The following NBPF15 variants were observed in gnomAD, a reference collection of about 807,000 sequenced individuals.
NBPF15 encodes NBPF member 15.
NBPF15 carries 74 observed loss-of-function variants against 62.2 expected under a neutral mutation model. The observed-to-expected ratio is 1.19, with a 90% CI of 0.99 to 1.44. NBPF15 has a LOEUF of 1.44. NBPF15 is among the 40% of genes most tolerant of loss of function. The pLI is 0.00. For synonymous variants in NBPF15, 244 were observed against 209.7 expected (o/e 1.16, Z -1.41); for missense variants, 790 against 550.0 (o/e 1.44, Z -4.36).
intron 5 of NBPF15, among the ~76,000 whole-genome samples, chr1:144,450,365 G>T (rs1231750485): frequency 6.6e-6 from 1 of 151,414 alleles, no homozygotes; most frequent in African/African-American, 2.4e-5. Context: ...GAAACAGACA[G>T]GTAAGGAGGA....
intron 16 of NBPF15, among the ~76,000 whole-genome samples, 186 bp downstream of exon 16, chr1:144,427,632 G>C (rs1246223287): frequency 6.9e-6 from 1 of 145,724 alleles, no homozygotes; most frequent in East Asian, 1.9e-4. Context: ...AGAGAGCCTT[G>C]CTCACTGATC....
At position 144,423,198 on chromosome 1, in the gene NBPF15, T is replaced by C. The variant is rs1043751; in HGVS notation, c.1828A>G (p.Arg610Gly). ...TACATTGACGGAGTCGAATAACATC[T>C]ATCCAGTGAGTCCTGTAAGACTTCA... The part of the protein sequence containing the change: ...EPEVLQDSLD[R>G]CYSTPSMYFE... Residue 610 changes from arginine to glycine, a missense_variant, in exon 22 of 22, where the codon AGA becomes GGA. By Grantham distance (125) the Arg-to-Gly change is moderately radical. Transcript: ENST00000581897. The C allele has an allele frequency of 1.0e-4, 169 of 1,611,626 alleles. No individual in the cohort carries two copies. In the African/African-American group the frequency reaches 1.8e-3, roughly 18 times the overall value.
At chr1:144,434,937 C>G (rs1205895792) in intron 12 of NBPF15, among the ~76,000 whole-genome samples, 174 bp downstream of exon 12, 3 of 151,958 alleles carry the variant, frequency 2.0e-5, no homozygotes, top group Non-Finnish European at 2.9e-5. Flanking sequence ...ATACTGGGGA[C>G]TGGCAGACAA....
chr1:144,453,222 C>T, intron 4 of NBPF15, among the ~76,000 whole-genome samples: 2 of 150,504 alleles, frequency 1.3e-5, no homozygotes, highest in South Asian at 2.1e-4. Flanking sequence ...GGTTTAGAGA[C>T]AATTTAAAAC....
chr1:144,446,001 A>C (rs1233562102), intron 6 of NBPF15, among the ~76,000 whole-genome samples: 1 of 146,940 alleles, frequency 6.8e-6, no homozygotes, highest in Non-Finnish European at 1.5e-5. Context: ...GACTACAGGC[A>C]CATGCCACCA....
At chr1:144,427,771 C>A (rs1201866381) in intron 16 of NBPF15, 47 bp downstream of exon 16, 1 of 614,076 alleles carries the variant, frequency 1.6e-6, no homozygotes, top group Admixed American at 2.9e-5. Context: ...ATGACCCTAA[C>A]CAGAAGACTC....
chr1:144,457,750 A>G (rs1481597825), intron 3 of NBPF15, among the ~76,000 whole-genome samples: 1 of 152,090 alleles, frequency 6.6e-6, no homozygotes, highest in Non-Finnish European at 1.5e-5. Context: ...TAATAGCTGT[A>G]AGAGATTTTA....
At chr1:144,427,128 A>G in intron 16 of NBPF15, 30 bp from the exon 17 acceptor site, 3 of 562,908 alleles carry the variant, frequency 5.3e-6, no homozygotes, top group Non-Finnish European at 9.3e-6. Flanking sequence ...GGACAGACAT[A>G]TTAAGCTGGT....
intron 1 of NBPF15, among the ~76,000 whole-genome samples, 189 bp downstream of exon 1, chr1:144,461,192 C>T (rs1428453525): frequency 6.6e-6 from 1 of 152,056 alleles, no homozygotes; most frequent in African/African-American, 2.4e-5. Context: ...GAGTTTCTTC[C>T]CCAGCGCCCA....
intron 6 of NBPF15, among the ~76,000 whole-genome samples, chr1:144,447,633 C>A (rs1474290774): frequency 6.6e-6 from 1 of 151,756 alleles, no homozygotes; most frequent in Admixed American, 6.6e-5. Flanking sequence ...TATGGGGAAA[C>A]AAAAGGAGAA....
intron 4 of NBPF15, among the ~76,000 whole-genome samples, chr1:144,453,504 TG>T (rs1692469012): frequency 6.6e-6 from 1 of 151,642 alleles, no homozygotes; most frequent in Non-Finnish European, 1.5e-5. Flanking sequence ...TAAAAACTTC[TG>T]TTCTGTGAAA....
At chr1:144,440,107 T>A (rs1250821919) in intron 7 of NBPF15, 34 bp downstream of exon 7, 1 of 1,580,934 alleles carries the variant, frequency 6.3e-7, no homozygotes, top group East Asian at 2.2e-5. Context: ...TAATCAGGAC[T>A]GAGGGATGTA....
chr1:144,451,842 C>A (rs1171928341), intron 4 of NBPF15, among the ~76,000 whole-genome samples: 1 of 151,268 alleles, frequency 6.6e-6, no homozygotes, highest in Non-Finnish European at 1.5e-5. Flanking sequence ...CAGTAACAAT[C>A]TGATATCTCT....
chr1:144,439,751 G>A (rs1681442298), intron 8 of NBPF15, 78 bp downstream of exon 8: 1 of 1,036,680 alleles, frequency 9.6e-7, no homozygotes, highest in South Asian at 1.3e-5. Flanking sequence ...TATTTTTGAT[G>A]GAGAGAGCAT....
chr1:144,446,380 C>G (rs1193744632), intron 6 of NBPF15, among the ~76,000 whole-genome samples: 90 of 151,038 alleles, frequency 6.0e-4, no homozygotes, highest in African/African-American at 2.2e-3. Flanking sequence ...TGAATAAAGA[C>G]AGCTTCAATT....
chr1:144,437,858 C>A, intron 9 of NBPF15, 87 bp downstream of exon 9: 3 of 1,605,346 alleles, frequency 1.9e-6, no homozygotes, highest in Non-Finnish European at 8.5e-7. Flanking sequence ...CCTGGCCCAG[C>A]TTAGCTCTTA....
intron 17 of NBPF15, 85 bp from the exon 18 acceptor site, chr1:144,426,535 G>A: frequency 1.3e-6 from 1 of 757,234 alleles, no homozygotes; most frequent in East Asian, 2.5e-5. Context: ...CTAACATAAG[G>A]AACTGTTTAA....
At chr1:144,450,098 G>A (rs200530864) in intron 5 of NBPF15, among the ~76,000 whole-genome samples, 2 of 112,566 alleles carry the variant, frequency 1.8e-5, no homozygotes, top group South Asian at 3.7e-4. Context: ...TACTGTGGTA[G>A]ATGGAATTTC....
At chr1:144,447,252 C>T (rs1293678427) in intron 6 of NBPF15, among the ~76,000 whole-genome samples, 2 of 152,118 alleles carry the variant, frequency 1.3e-5, no homozygotes, top group Non-Finnish European at 2.9e-5. Context: ...TTCCCCTCAC[C>T]CATGCATTTC....
Sources: gnomAD v4.1 joint callset for allele counts (sites outside exome capture counted in the v4.1 genomes callset) on GRCh38, gnomAD v4.1.1 for gene constraint, MANE v1.5 for transcripts, NCBI Gene and HGNC (gene_info 2026-07-23, HGNC 2026-07-21) for gene names.